Variants in PKM observed in about 807,000 individuals in gnomAD.
The protein encoded by PKM is pyruvate kinase PKM.
Under a neutral mutation model 49.8 loss-of-function variants are expected in PKM, and 18 were observed. The ratio of observed to expected loss-of-function variants is 0.36; its 90% CI spans 0.25 to 0.54. The LOEUF is 0.54. Among genes scored for constraint, PKM ranks in the 20% least tolerant of loss-of-function variants. The pLI is 0.89. For missense variants in PKM, 508 were observed against 713.8 expected (o/e 0.71, Z 3.28); for synonymous variants, 239 against 261.8 (o/e 0.91, Z 0.84).
intron 1 of PKM, chr15:72,219,332 A>G: frequency 2.0e-6 from 1 of 511,050 alleles, no homozygotes. Flanking sequence ...GAACAAGTTA[A>G]AACCTCCCAC....
intron 1 of PKM, among the ~76,000 whole-genome samples, chr15:72,229,931 A>G (rs565539476): frequency 2.0e-5 from 2 of 98,206 alleles, no homozygotes; most frequent in Non-Finnish European, 2.3e-5. Flanking sequence ...AAAAAGAAAG[A>G]AAAAAGAAAG....
At chr15:72,221,802 T>C (rs2082531290) in intron 1 of PKM, among the ~76,000 whole-genome samples, 1 of 151,138 alleles carries the variant, frequency 6.6e-6, no homozygotes, top group Admixed American at 6.6e-5. Context: ...TCAAGTTCTG[T>C]ACACTGGGTT....
intron 6 of PKM, among the ~76,000 whole-genome samples, chr15:72,208,264 TC>T (rs1285088517): frequency 6.6e-6 from 1 of 151,738 alleles, no homozygotes; most frequent in Non-Finnish European, 1.5e-5. Context: ...TTCCCCCTGG[TC>T]CCCCCATTCC....
At position 72,200,345 on chromosome 15, in the gene PKM, TG is replaced by T. The variant is rs1354795791; in HGVS notation, c.1489+128del. The T allele has an allele frequency of 6.3e-6, 5 of 791,854 alleles. No individual in the cohort carries two copies. In the African/African-American group the frequency reaches 8.5e-5, roughly 13 times the overall value. 49.1% of individuals were successfully genotyped at this position (791,854 alleles called of 1,614,324 possible). ...CCCAATAAGGGAGAGGAACAGTCGC[TG>T]GGCCTTTTGCCCCACTAAGGTCTGT... On this transcript the variant is annotated intron_variant, in intron 10 of 10. Transcript: ENST00000335181. The surrounding 1 kb of genome is among the most constrained non-coding windows in gnomAD (Gnocchi z 4.6).
Position 72,208,611 on chromosome 15 carries a change from G to T in PKM, c.836+10C>A. Reference sequence around the variant, plus strand: ...GCGCTGGGACTGGAGCAGGGACAACGGGGACTTGCCTCCGAACCCCCTCAT... The same window carrying T: ...GCGCTGGGACTGGAGCAGGGACAACTGGGACTTGCCTCCGAACCCCCTCAT... On this transcript the variant is annotated intron_variant, in intron 6 of 10. Coordinates refer to ENST00000335181, the MANE Select transcript of PKM (RefSeq NM_002654.6). 1 of 1,613,906 alleles carries T rather than the reference G, an allele frequency of 6.2e-7. No homozygotes were observed. The highest frequency in any genetic ancestry group is 8.5e-7 in the Non-Finnish European group (1 of 1,179,894).
intron 3 of PKM, among the ~76,000 whole-genome samples, chr15:72,215,395 TTTACA>T (rs1248283049): frequency 6.6e-6 from 1 of 152,142 alleles, no homozygotes; most frequent in African/African-American, 2.4e-5. Flanking sequence ...GCTGAAACTG[TTTACA>T]TTACATTATA....
At position 72,200,402 on chromosome 15, in the gene PKM, G is replaced by T. The variant is rs749886642; in HGVS notation, c.1489+72C>A. On this transcript the variant is annotated intron_variant, in intron 10 of 10. Transcript: ENST00000335181. The surrounding 1 kb of genome is among the most constrained non-coding windows in gnomAD (Gnocchi z 4.6). Reference sequence around the variant, plus strand: ...CCCCTTTCTATTCCCCAAACTTTCGGGGTCCCACAGAAGCCAATGCTCAAG... The same window carrying T: ...CCCCTTTCTATTCCCCAAACTTTCGTGGTCCCACAGAAGCCAATGCTCAAG... 1.3e-5 allele frequency: 19 copies of T among 1,455,974 alleles called. No homozygotes were observed. The highest frequency in any genetic ancestry group is 1.7e-5 in the Non-Finnish European group (18 of 1,041,136). 90.2% of individuals were successfully genotyped at this position (1,455,974 alleles called of 1,614,324 possible). A position where few individuals can be genotyped will look rare whatever the true frequency, so the allele number is the denominator to read the frequency against.
intron 3 of PKM, among the ~76,000 whole-genome samples, chr15:72,216,226 T>C (rs2082373379): frequency 6.6e-6 from 1 of 152,242 alleles, no homozygotes; most frequent in Non-Finnish European, 1.5e-5. Context: ...CAACAGGAAA[T>C]ACAGAAGCCA....
rs114605682 is a variant in PKM, at chr15:72,217,656, G to A, written c.155-156C>T. On this transcript the variant is annotated intron_variant, in intron 2 of 10. Coordinates refer to ENST00000335181, the MANE Select transcript of PKM (RefSeq NM_002654.6). ...AAAGTGCATGGAAGGCTACTACCGT[G>A]CCAGCTTACTTTCTTGATCTACTGG... Among the ~76,000 whole-genome samples the A allele has an allele frequency of 4.8e-3, 731 of 152,262 alleles. 7 individuals are homozygous for A. Among genetic ancestry groups the A allele is most frequent in the African/African-American group, 0.017 (697 of 41,528 alleles).
intron 1 of PKM, among the ~76,000 whole-genome samples, chr15:72,222,836 G>C (rs1164643628): frequency 6.6e-6 from 1 of 152,076 alleles, no homozygotes; most frequent in Non-Finnish European, 1.5e-5. Context: ...TGACAGGTTG[G>C]AACAGGCACA....
intron 3 of PKM, among the ~76,000 whole-genome samples, chr15:72,211,196 T>G (rs2082243833): frequency 6.6e-6 from 1 of 151,916 alleles, no homozygotes; most frequent in Non-Finnish European, 1.5e-5. Context: ...GCCTCCCGAG[T>G]AGCTGGGACT....
At chr15:72,228,487 G>A (rs1423532649) in intron 1 of PKM, 2 of 441,784 alleles carry the variant, frequency 4.5e-6, no homozygotes, top group East Asian at 8.4e-5. Flanking sequence ...TTTTAATTAG[G>A]GGAAATGCAT....
intron 8 of PKM, chr15:72,203,551 A>T: frequency 2.9e-6 from 1 of 349,902 alleles, no homozygotes; most frequent in South Asian, 2.5e-5. Context: ...GCCTCATGAC[A>T]TAGCTTACAG....
chr15:72,223,288 A>G (rs1038664934), intron 1 of PKM, among the ~76,000 whole-genome samples: 17 of 152,060 alleles, frequency 1.1e-4, no homozygotes, highest in African/African-American at 3.9e-4. Context: ...GCCCTAATAA[A>G]ATAGCCTGGC....
At chr15:72,226,454 C>T (rs2082671833) in intron 1 of PKM, among the ~76,000 whole-genome samples, 1 of 152,196 alleles carries the variant, frequency 6.6e-6, no homozygotes, top group South Asian at 2.1e-4. Context: ...GGCATGAACC[C>T]GGGAGGCGGA....
At position 72,202,012 on chromosome 15, in the gene PKM, C is replaced by T. The variant is rs1444075903; in HGVS notation, c.1307+442G>A. On this transcript the variant is annotated intron_variant, in intron 9 of 10. Transcript: ENST00000335181. This position sits in a 1 kb window ranked among gnomAD's most constrained non-coding sequence, Gnocchi z 4.5. ...GCTGGAACCCAATTTGTCTTTAGGGCTCAAAAACAGCAGGGACTAGTGTGC... is the reference window on the plus strand; with the variant it reads ...GCTGGAACCCAATTTGTCTTTAGGGTTCAAAAACAGCAGGGACTAGTGTGC... The T allele has an allele frequency of 8.4e-6, 2 of 238,478 alleles. No individual in the cohort carries two copies. Among genetic ancestry groups the T allele is most frequent in the Non-Finnish European group, 1.7e-5 (2 of 118,690 alleles). 14.8% of individuals were successfully genotyped at this position (238,478 alleles called of 1,614,324 possible).
chr15:72,217,932 G>T (rs970433727), intron 2 of PKM, among the ~76,000 whole-genome samples: 3 of 152,092 alleles, frequency 2.0e-5, no homozygotes, highest in Non-Finnish European at 2.9e-5. Context: ...GATTCTTTTT[G>T]CAACAAATTA....
chr15:72,220,148 G>A (rs1417363759), intron 1 of PKM, among the ~76,000 whole-genome samples: 1 of 152,194 alleles, frequency 6.6e-6, no homozygotes, highest in Non-Finnish European at 1.5e-5. Flanking sequence ...ATCAGGTAAG[G>A]ATGTGAACCA....
intron 1 of PKM, among the ~76,000 whole-genome samples, chr15:72,223,884 C>T (rs2082591803): frequency 6.6e-6 from 1 of 151,090 alleles, no homozygotes. Context: ...ACAAAATGAG[C>T]CCACTTGTAG....
Sources: gnomAD v4.1 joint callset for allele counts (sites outside exome capture counted in the v4.1 genomes callset) on GRCh38, gnomAD v4.1.1 for gene constraint, Gnocchi (gnomAD v3.1) non-coding constraint, MANE v1.5 for transcripts, NCBI Gene and HGNC (gene_info 2026-07-23, HGNC 2026-07-21) for gene names.